GPC6: variants seen among roughly 807,000 people sequenced by gnomAD.
GPC6 encodes the protein glypican 6, also known as glypican-6.
Under a neutral mutation model 55.2 loss-of-function variants are expected in GPC6, and 14 were observed. The ratio of observed to expected loss-of-function variants is 0.25; its 90% CI spans 0.17 to 0.40. The LOEUF (loss-of-function observed/expected upper bound fraction) is 0.40, where lower values mean the gene tolerates loss of function less well. Ranked by LOEUF, GPC6 falls within the 10% of genes least tolerant of loss-of-function variation. The probability of loss-of-function intolerance (pLI) is 1.00; values close to 1 mark genes in which losing one functional copy is unlikely to be tolerated. For missense variants in GPC6, 641 were observed against 708.5 expected (o/e 0.90, Z 1.08); for synonymous variants, 278 against 259.6 (o/e 1.07, Z -0.68).
upstream of GPC6, among the ~76,000 whole-genome samples, chr13:93,224,818 A>C (rs903122703): frequency 6.6e-6 from 1 of 152,204 alleles, no homozygotes; most frequent in African/African-American, 2.4e-5. Flanking sequence ...CCAGTAAAGC[A>C]AGTTATCTAA....
At chr13:93,458,831 G>A (rs2813629) in intron 1 of GPC6, among the ~76,000 whole-genome samples, 94,137 of 151,874 alleles carry the variant, frequency 0.62, 30,343 homozygotes, top group Middle Eastern at 0.8. Context: ...AAAAATATAT[G>A]CCATCCACTC....
intron 2 of GPC6, among the ~76,000 whole-genome samples, chr13:93,777,638 T>C: frequency 6.6e-6 from 1 of 152,320 alleles, no homozygotes; most frequent in Non-Finnish European, 1.5e-5. Flanking sequence ...CCCTGTATAG[T>C]AATAACATTA....
At chr13:94,018,690 C>T (rs1038409786) in intron 3 of GPC6, among the ~76,000 whole-genome samples, 2 of 152,276 alleles carry the variant, frequency 1.3e-5, no homozygotes, top group Admixed American at 6.5e-5. Context: ...TAGCAGGGGT[C>T]CCCAACCCCC....
chr13:93,437,825 C>A (rs367889631), intron 1 of GPC6, among the ~76,000 whole-genome samples: 1 of 152,130 alleles, frequency 6.6e-6, no homozygotes, highest in East Asian at 1.9e-4. Flanking sequence ...GATGAAACAG[C>A]CCTCTATTAG....
intron 4 of GPC6, among the ~76,000 whole-genome samples, chr13:94,061,489 T>C (rs1566352650): frequency 6.6e-6 from 1 of 152,030 alleles, no homozygotes; most frequent in African/African-American, 2.4e-5. Flanking sequence ...TCATAACTGC[T>C]CCTGCCCAAG....
intron 4 of GPC6, among the ~76,000 whole-genome samples, chr13:94,174,653 G>A (rs768366300): frequency 3.3e-5 from 5 of 152,104 alleles, no homozygotes; most frequent in African/African-American, 4.8e-5. Flanking sequence ...GCAAAAGTTT[G>A]TGCTATCTCA....
At chr13:93,427,960 G>T (rs867267297) in intron 1 of GPC6, among the ~76,000 whole-genome samples, 14 of 152,096 alleles carry the variant, frequency 9.2e-5, no homozygotes, top group Non-Finnish European at 8.8e-5. Context: ...CACATGCAAT[G>T]AATTTTCTCT....
intron 1 of GPC6, among the ~76,000 whole-genome samples, chr13:93,453,361 C>T (rs1413162861): frequency 6.6e-6 from 1 of 152,026 alleles, no homozygotes; most frequent in African/African-American, 2.4e-5. Flanking sequence ...GAAATTAGAA[C>T]ATTGAGTGAG....
intron 4 of GPC6, among the ~76,000 whole-genome samples, chr13:94,210,617 A>G (rs904945030): frequency 5.9e-5 from 9 of 152,248 alleles, no homozygotes; most frequent in African/African-American, 1.9e-4. Flanking sequence ...TGTTTAAAAC[A>G]CAGAGTTAAA....
intron 1 of GPC6, among the ~76,000 whole-genome samples, chr13:93,368,606 T>C (rs1352455970): frequency 6.6e-6 from 1 of 151,852 alleles, no homozygotes; most frequent in African/African-American, 2.4e-5. Flanking sequence ...CCCAGCTTAG[T>C]TTCCCTCAAA....
intron 4 of GPC6, among the ~76,000 whole-genome samples, chr13:94,142,040 T>C (rs990987707): frequency 1.5e-4 from 23 of 152,166 alleles, no homozygotes; most frequent in Non-Finnish European, 2.8e-4. Flanking sequence ...TGAAATCTTA[T>C]TGAATATCCT....
intron 3 of GPC6, among the ~76,000 whole-genome samples, chr13:93,901,075 T>C (rs1876322233): frequency 6.6e-6 from 1 of 152,180 alleles, no homozygotes; most frequent in African/African-American, 2.4e-5. Flanking sequence ...TAGAGGTCTG[T>C]GCAGACTTTT....
At chr13:93,366,344 A>G (rs920568819) in intron 1 of GPC6, among the ~76,000 whole-genome samples, 5 of 152,048 alleles carry the variant, frequency 3.3e-5, no homozygotes, top group Admixed American at 2.6e-4. Flanking sequence ...CCAAATTCTG[A>G]TGGAGCAGCA....
At chr13:93,366,834 T>A (rs926264792) in intron 1 of GPC6, among the ~76,000 whole-genome samples, 3 of 152,118 alleles carry the variant, frequency 2.0e-5, no homozygotes, top group African/African-American at 4.8e-5. Flanking sequence ...CTCTGATTTA[T>A]GAATTTATTT....
At chr13:93,503,102 C>T (rs1352494553) in intron 1 of GPC6, among the ~76,000 whole-genome samples, 5 of 152,164 alleles carry the variant, frequency 3.3e-5, no homozygotes, top group East Asian at 3.9e-4. Flanking sequence ...CATACATCCT[C>T]ACCATGGGCA....
At chr13:93,989,993 G>A (rs1881224998) in intron 3 of GPC6, among the ~76,000 whole-genome samples, 1 of 150,072 alleles carries the variant, frequency 6.7e-6, no homozygotes. Context: ...GAAAAGTACA[G>A]GTATAAATAA....
At chr13:94,259,406 G>A (rs1395248303) in intron 4 of GPC6, among the ~76,000 whole-genome samples, 1 of 152,232 alleles carries the variant, frequency 6.6e-6, no homozygotes, top group African/African-American at 2.4e-5. Context: ...TGGGCTGGTA[G>A]TCTCTAAGGT....
At chr13:94,196,575 C>T (rs1057053059) in intron 4 of GPC6, among the ~76,000 whole-genome samples, 1 of 152,170 alleles carries the variant, frequency 6.6e-6, no homozygotes, top group Admixed American at 6.5e-5. Flanking sequence ...ATCCACTTCT[C>T]CTTAAGGCTA....
intron 4 of GPC6, among the ~76,000 whole-genome samples, chr13:94,215,738 T>C (rs1025561776): frequency 3.9e-5 from 6 of 152,170 alleles, no homozygotes; most frequent in African/African-American, 1.4e-4. Context: ...TTTTTGTCTC[T>C]TTTTTATGGA....
Sources: gnomAD v4.1 joint callset for allele counts (sites outside exome capture counted in the v4.1 genomes callset) on GRCh38, gnomAD v4.1.1 for gene constraint, MANE v1.5 for transcripts, NCBI Gene and HGNC (gene_info 2026-07-23, HGNC 2026-07-21) for gene names.